SBF2: variants seen among roughly 807,000 people sequenced by gnomAD.
SBF2 encodes myotubularin-related protein 13.
A neutral mutation model predicts 225.2 loss-of-function variants in SBF2; 112 were observed. That is an observed-to-expected ratio of 0.50 (90% CI 0.43 to 0.58). The LOEUF is 0.58. SBF2 is among the 20% of genes least tolerant of loss of function. SBF2 has a pLI of 0.00. For missense variants in SBF2, 1,996 were observed against 2,206.2 expected (o/e 0.90, Z 1.91); for synonymous variants, 763 against 773.3 (o/e 0.99, Z 0.22).
In SBF2 at chr11:9,839,997, G is replaced by A. The variant is rs963202814; in HGVS notation, c.3257-301C>T. 2.0e-5 allele frequency among the ~76,000 whole-genome samples: 3 copies of A among 152,240 alleles called. No homozygotes were observed. The East Asian group carries it at 5.8e-4, about 29-fold the overall frequency. On this transcript the variant is annotated intron_variant, in intron 25 of 39. Transcript: ENST00000256190. Reference sequence around the variant, plus strand: ...CACGCCTGTAATCCCAGCACTGGGAGGCTGAGGTGGGCGGATCACAAGGTC... The same window carrying A: ...CACGCCTGTAATCCCAGCACTGGGAAGCTGAGGTGGGCGGATCACAAGGTC...
At chr11:10,161,558 G>A (rs1247212185) in intron 2 of SBF2, among the ~76,000 whole-genome samples, 1 of 152,254 alleles carries the variant, frequency 6.6e-6, no homozygotes, top group East Asian at 1.9e-4. Context: ...ATTATATATG[G>A]CAATATGCCT....
chr11:10,129,829 C>T (rs1394358164), intron 2 of SBF2, among the ~76,000 whole-genome samples: 1 of 151,852 alleles, frequency 6.6e-6, no homozygotes, highest in Non-Finnish European at 1.5e-5. Flanking sequence ...CATAGCGAGA[C>T]CCCCATCTCT....
At chr11:10,239,006 C>G (rs1206098946) in intron 1 of SBF2, among the ~76,000 whole-genome samples, 1 of 150,662 alleles carries the variant, frequency 6.6e-6, no homozygotes, top group East Asian at 1.9e-4. Context: ...ACAAACAAAA[C>G]AGGAATACAG....
chr11:10,015,979 G>C (rs1948633673), intron 6 of SBF2, among the ~76,000 whole-genome samples: 1 of 152,026 alleles, frequency 6.6e-6, no homozygotes. Flanking sequence ...GTCCCACCTT[G>C]TTGTCCAGGC....
chr11:9,895,773 AT>A (rs1283332101), intron 17 of SBF2, among the ~76,000 whole-genome samples, 169 bp downstream of exon 17: 1 of 152,222 alleles, frequency 6.6e-6, no homozygotes. Flanking sequence ...AGTGTTCTAT[AT>A]TAAATTTCCT....
chr11:9,789,011 A>T, intron 35 of SBF2, 98 bp downstream of exon 35: 1 of 993,958 alleles, frequency 1.0e-6, no homozygotes, highest in Non-Finnish European at 1.6e-6. Context: ...AGCTCAGAGT[A>T]AGGAGAGCCA....
chr11:10,156,247 C>T lies in SBF2; in HGVS notation c.141+37655G>A, dbSNP rs1483099362. 4.6e-5 allele frequency among the ~76,000 whole-genome samples: 7 copies of T among 152,324 alleles called. No individual in the cohort carries two copies. In the South Asian group the frequency reaches 1.5e-3, roughly 32 times the overall value. On this transcript the variant is annotated intron_variant, in intron 2 of 39. Coordinates refer to ENST00000256190, the MANE Select transcript of SBF2 (RefSeq NM_030962.4). The stretch of plus-strand genomic sequence containing the variant: ...ACTCAGGGTGGTGCTGACATGACAG[C>T]CCTTTGCTGACTCACCCACCTCTGG...
At chr11:9,957,354 T>A (rs1300352588) in intron 16 of SBF2, 1 of 152,250 alleles carries the variant, frequency 6.6e-6, no homozygotes, top group Non-Finnish European at 1.5e-5. Flanking sequence ...GGCTACTTAA[T>A]TTCTGTCTAG....
At chr11:9,860,004 T>C (rs1052705777) in intron 17 of SBF2, among the ~76,000 whole-genome samples, 4 of 152,204 alleles carry the variant, frequency 2.6e-5, no homozygotes, top group African/African-American at 7.2e-5. Context: ...ACAGGGATCA[T>C]TGTTGGATTT....
intron 1 of SBF2, among the ~76,000 whole-genome samples, chr11:10,207,881 A>T (rs1242339020): frequency 1.3e-5 from 2 of 152,164 alleles, no homozygotes; most frequent in African/African-American, 4.8e-5. Flanking sequence ...TATCAAAGGT[A>T]AATATGATAT....
chr11:9,898,218 T>C (rs922796827), intron 16 of SBF2, among the ~76,000 whole-genome samples: 3 of 152,222 alleles, frequency 2.0e-5, no homozygotes, highest in Non-Finnish European at 4.4e-5. Context: ...GAGCTTAGCC[T>C]AGAAGTGGCC....
chr11:9,878,967 T>C (rs1859517784), intron 17 of SBF2, among the ~76,000 whole-genome samples: 2 of 152,166 alleles, frequency 1.3e-5, no homozygotes, highest in Non-Finnish European at 2.9e-5. Context: ...TAAAAATCTA[T>C]CAGTGACAAA....
At chr11:10,098,693 A>G (rs1004143786) in intron 2 of SBF2, among the ~76,000 whole-genome samples, 21 of 150,270 alleles carry the variant, frequency 1.4e-4, no homozygotes, top group Middle Eastern at 6.8e-3. Flanking sequence ...ACACACACAC[A>G]CACACACACA....
In SBF2 at chr11:10,262,983, ATTCT is replaced by A. The variant is rs774601162; in HGVS notation, c.55+31028_55+31031del. Among the ~76,000 whole-genome samples the A allele has an allele frequency of 2.6e-5, 4 of 152,100 alleles. No homozygotes were observed. The South Asian group carries it at 6.2e-4, about 24-fold the overall frequency. Reference sequence around the variant, plus strand: ...AAAACTTGCATTAACAAGTAATGACATTCTTTAAAATTAATAAATATTTTATCAG... The same window carrying A: ...AAAACTTGCATTAACAAGTAATGACATTAAAATTAATAAATATTTTATCAG... On this transcript the variant is annotated intron_variant, in intron 1 of 39. Transcript: ENST00000256190.
At chr11:10,257,694 A>T (rs117793618) in intron 1 of SBF2, among the ~76,000 whole-genome samples, 1 of 142,504 alleles carries the variant, frequency 7.0e-6, no homozygotes, top group Non-Finnish European at 1.6e-5. Context: ...AAAAAAAGAA[A>T]TGCTGTACTA....
intron 1 of SBF2, among the ~76,000 whole-genome samples, chr11:10,265,492 TC>T (rs1163327388): frequency 5.1e-4 from 4 of 7,870 alleles, no homozygotes; most frequent in Non-Finnish European, 1.3e-3. Context: ...AGTGCAGAAA[TC>T]GGGGGGGGGG....
intron 2 of SBF2, among the ~76,000 whole-genome samples, chr11:10,189,354 A>G (rs1437676235): frequency 6.6e-6 from 1 of 152,182 alleles, no homozygotes; most frequent in African/African-American, 2.4e-5. Flanking sequence ...AGGAAGAGAA[A>G]AGTCTCTTCT....
chr11:10,218,645 G>A (rs764186432), intron 1 of SBF2, among the ~76,000 whole-genome samples: 4 of 152,110 alleles, frequency 2.6e-5, no homozygotes, highest in East Asian at 1.9e-4. Context: ...ACAACGGAGG[G>A]TCTACAGCCA....
chr11:10,260,533 G>T (rs569013914), intron 1 of SBF2, among the ~76,000 whole-genome samples: 1 of 151,916 alleles, frequency 6.6e-6, no homozygotes, highest in Non-Finnish European at 1.5e-5. Flanking sequence ...TGGCTAACAG[G>T]ATGAAACCCC....
Sources: gnomAD v4.1 joint callset for allele counts (sites outside exome capture counted in the v4.1 genomes callset) on GRCh38, gnomAD v4.1.1 for gene constraint, MANE v1.5 for transcripts, NCBI Gene and HGNC (gene_info 2026-07-23, HGNC 2026-07-21) for gene names.